Variants in PTPRU observed in about 807,000 individuals in gnomAD.
PTPRU encodes the protein receptor-type tyrosine-protein phosphatase U.
Under a neutral mutation model 166.3 loss-of-function variants are expected in PTPRU, and 69 were observed. The observed-to-expected ratio is 0.41, with a 90% CI of 0.34 to 0.51. The LOEUF is 0.51. PTPRU is among the 20% of genes least tolerant of loss of function. PTPRU has a pLI of 0.09. For synonymous variants in PTPRU, 793 were observed against 814.0 expected, an observed-to-expected ratio of 0.97 and a Z score of 0.44; for missense variants, 1,657 against 2,013.7, an observed-to-expected ratio of 0.82 and a Z score of 3.39.
intron 24 of PTPRU, 103 bp downstream of exon 24, chr1:29,316,254 C>G: frequency 7.4e-7 from 1 of 1,360,182 alleles, no homozygotes; most frequent in Non-Finnish European, 1.0e-6. Context: ...GAAGCAGGGA[C>G]CAGCCTGAGG....
In PTPRU at chr1:29,293,623, C is replaced by T. The variant is rs369937845; in HGVS notation, c.2476+1597C>T. Among the ~76,000 whole-genome samples, 23 of 152,098 alleles carry T rather than the reference C, an allele frequency of 1.5e-4. 1 individual carries two copies. In the East Asian group the frequency reaches 3.1e-3, roughly 21 times the overall value. ...CCTAGTAGCTGGGACTACAGGCGCC[C>T]GCCACTGCGCCCGGCTAATTTTTTG... On this transcript the variant is annotated intron_variant, in intron 15 of 29. Coordinates refer to ENST00000373779, the MANE Select transcript of PTPRU (RefSeq NM_133178.4).
In PTPRU at chr1:29,310,468, G is replaced by C. The variant is rs550950036; in HGVS notation, c.2821-276G>C. On this transcript the variant is annotated intron_variant, in intron 18 of 29. Coordinates refer to ENST00000373779, the MANE Select transcript of PTPRU (RefSeq NM_133178.4). ...GCCTCTCTCCACTTTATGGGTGGGG[G>C]GTCCCTCTAGGCACATAAAGGAGTC... 2.6e-5 allele frequency among the ~76,000 whole-genome samples: 4 copies of C among 152,204 alleles called. No homozygotes were observed. The East Asian group carries it at 7.7e-4, about 29-fold the overall frequency.
intron 2 of PTPRU, 43 bp from the exon 3 acceptor site, chr1:29,258,462 C>T (rs931509027): frequency 6.3e-7 from 1 of 1,590,906 alleles, no homozygotes; most frequent in Non-Finnish European, 8.6e-7. Flanking sequence ...TGTCCCTCCC[C>T]TGAGGTCTCC....
rs942980013 is a variant in PTPRU at position 29,323,043 on chromosome 1, A to T, written c.3829-328A>T. On this transcript the variant is annotated intron_variant, in intron 26 of 29. Coordinates refer to ENST00000373779, the MANE Select transcript of PTPRU (RefSeq NM_133178.4). ...GGGAGTGATCCAGGCCTATTCCTGG[A>T]AGCAGGCAGCCTCATGTAGGAGCGT... 4.6e-5 allele frequency among the ~76,000 whole-genome samples: 7 copies of T among 152,182 alleles called. No homozygotes were observed. In the East Asian group the frequency reaches 1.3e-3, roughly 29 times the overall value.
intron 1 of PTPRU, among the ~76,000 whole-genome samples, chr1:29,251,815 G>T (rs1043133026): frequency 2.0e-5 from 3 of 152,174 alleles, no homozygotes; most frequent in African/African-American, 7.2e-5. Context: ...TTAGATCCTG[G>T]GCTTCCCTTT....
chr1:29,313,925 C>T lies in PTPRU; in HGVS notation c.3227+1219C>T, dbSNP rs536930433. On this transcript the variant is annotated intron_variant, in intron 22 of 29. Coordinates refer to ENST00000373779, the MANE Select transcript of PTPRU (RefSeq NM_133178.4). ...ACAGTTCCCAGAAGCCCCCTTGAAC[C>T]CGTTTCTGGCCTGAATTCCCCCATC... Among the ~76,000 whole-genome samples the T allele has an allele frequency of 2.6e-5, 4 of 152,208 alleles. No individual in the cohort carries two copies. The East Asian group carries it at 7.7e-4, about 29-fold the overall frequency.
chr1:29,288,311 G>A (rs1686455518), intron 14 of PTPRU, among the ~76,000 whole-genome samples: 1 of 152,196 alleles, frequency 6.6e-6, no homozygotes, highest in Non-Finnish European at 1.5e-5. Flanking sequence ...CCAGTGGAGA[G>A]CCTGGCATGA....
rs1685555778 is a variant in PTPRU, at chr1:29,271,555, A to C, written c.1145-3893A>C. ...CCAAAGTTGCTATCTTGGGCCCTGT[A>C]AGGTGATTTGAAGAAGCTTGAGTAG... On this transcript the variant is annotated intron_variant, in intron 7 of 29. Coordinates refer to ENST00000373779, the MANE Select transcript of PTPRU (RefSeq NM_133178.4). This position sits in a 1 kb window ranked among gnomAD's most constrained non-coding sequence, Gnocchi z 4.4. 2.0e-5 allele frequency among the ~76,000 whole-genome samples: 3 copies of C among 152,150 alleles called. No individual in the cohort carries two copies. Among genetic ancestry groups the C allele is most frequent in the Non-Finnish European group, 4.4e-5 (3 of 68,032 alleles).
Position 29,326,105 on chromosome 1 carries a change from G to A in PTPRU, c.*444G>A, listed in dbSNP as rs967623961. On this transcript the variant is annotated 3_prime_UTR_variant, in exon 30 of 30. Transcript: ENST00000373779. Reference sequence around the variant, plus strand: ...TCTGCATGTGGGTAGAGGATGTACTGGGACTTGGCATTTAGGATTCCATCT... The same window carrying A: ...TCTGCATGTGGGTAGAGGATGTACTAGGACTTGGCATTTAGGATTCCATCT... 7.7e-6 allele frequency: 3 copies of A among 391,066 alleles called. No homozygotes were observed. Among genetic ancestry groups the A allele is most frequent in the Non-Finnish European group, 1.4e-5 (3 of 222,122 alleles). 24.2% of individuals were successfully genotyped at this position (391,066 alleles called of 1,614,324 possible). A position where few individuals can be genotyped will look rare whatever the true frequency, so the allele number is the denominator to read the frequency against.
intron 1 of PTPRU, among the ~76,000 whole-genome samples, chr1:29,243,732 T>C (rs150063114): frequency 1.6e-4 from 25 of 152,312 alleles, no homozygotes; most frequent in African/African-American, 5.5e-4. Flanking sequence ...GTCTTTGTCA[T>C]CTGTGGTCCC....
chr1:29,301,427 A>T (rs937568112), intron 15 of PTPRU, among the ~76,000 whole-genome samples: 6 of 152,268 alleles, frequency 3.9e-5, no homozygotes, highest in Non-Finnish European at 7.3e-5. Context: ...AATTATGTGC[A>T]GTACATAATA....
rs371728992 is a variant in PTPRU at position 29,259,571 on chromosome 1, G to A, written c.675+7G>A. 27 of 1,582,594 alleles carry A rather than the reference G, an allele frequency of 1.7e-5. No individual in the cohort carries two copies. The highest frequency in any genetic ancestry group is 4.3e-4 in the Middle Eastern group (2 of 4,644). Reference sequence around the variant, plus strand: ...CGAACGCTTCCTCTTGCAAGTGAGCGGGAGCGGTGATCTTGGCTGGGGGCG... The same window carrying A: ...CGAACGCTTCCTCTTGCAAGTGAGCAGGAGCGGTGATCTTGGCTGGGGGCG... On this transcript the variant is annotated splice_region_variant and intron_variant, in intron 5 of 29. Coordinates refer to ENST00000373779, the MANE Select transcript of PTPRU (RefSeq NM_133178.4).
intron 18 of PTPRU, among the ~76,000 whole-genome samples, chr1:29,308,569 A>AAAAC (rs1687507792): frequency 6.7e-6 from 1 of 149,258 alleles, no homozygotes; most frequent in Admixed American, 6.7e-5. Context: ...CCTGTCTCAA[A>AAAAC]AAAAAAAAAA....
chr1:29,264,144 A>C (rs1454948054), intron 7 of PTPRU, among the ~76,000 whole-genome samples: 1 of 150,426 alleles, frequency 6.6e-6, no homozygotes, highest in Non-Finnish European at 1.5e-5. Flanking sequence ...ACTGCACTCC[A>C]GCCTGGGTGA....
chr1:29,311,363 T>C lies in PTPRU; in HGVS notation c.2858-93T>C. 1 of 1,282,400 alleles carries C rather than the reference T, an allele frequency of 7.8e-7. No individual in the cohort carries two copies. Among genetic ancestry groups the C allele is most frequent in the Non-Finnish European group, 1.1e-6 (1 of 904,886 alleles). 79.4% of individuals were successfully genotyped at this position (1,282,400 alleles called of 1,614,324 possible). On this transcript the variant is annotated intron_variant, in intron 19 of 29. Transcript: ENST00000373779. The surrounding 1 kb of genome is among the most constrained non-coding windows in gnomAD (Gnocchi z 4.1). ...CCCCGTTGGGGCTCAGGAGGCCTCC[T>C]GGCCTGGGGTGTGGTGCTGGATGGT...
At chr1:29,283,913 C>T (rs750281825) in intron 12 of PTPRU, 27 bp from the exon 13 acceptor site, 10 of 1,613,824 alleles carry the variant, frequency 6.2e-6, no homozygotes, top group Non-Finnish European at 8.5e-6. Flanking sequence ...GCTTCAGCAA[C>T]GCTGAGACCC....
chr1:29,240,528 A>G (rs1684000793), intron 1 of PTPRU, among the ~76,000 whole-genome samples: 1 of 152,056 alleles, frequency 6.6e-6, no homozygotes, highest in African/African-American at 2.4e-5. Context: ...AATCTGGAAA[A>G]TTCCTGGAGG....
At position 29,258,709 on chromosome 1, in the gene PTPRU, G is replaced by A. The variant is rs766199196; in HGVS notation, c.410G>A (p.Gly137Glu). The change falls in exon 3 of 30, where the codon GGA (glycine) becomes GAA (glutamate). Residue 137 changes from glycine to glutamate, a missense_variant. By Grantham distance (98) the Gly-to-Glu change is moderately conservative (BLOSUM62 -2). Transcript: ENST00000373779. Reference sequence around the variant, plus strand: ...GGCAGTGCTGTGTGGAATATGACTGGATCCCACGGCCGTCAGTGGCACCAG... The same window carrying A: ...GGCAGTGCTGTGTGGAATATGACTGAATCCCACGGCCGTCAGTGGCACCAG... Reference protein sequence around the residue: ...PLGSAVWNMTGSHGRQWHQAE... With the variant: ...PLGSAVWNMTESHGRQWHQAE... The A allele has an allele frequency of 1.7e-5, 27 of 1,611,524 alleles. No individual in the cohort carries two copies. The African/African-American group carries it at 2.8e-4, about 17-fold the overall frequency.
At chr1:29,258,163 C>T (rs1320360231) in intron 2 of PTPRU, among the ~76,000 whole-genome samples, 3 of 152,158 alleles carry the variant, frequency 2.0e-5, no homozygotes, top group Non-Finnish European at 4.4e-5. Flanking sequence ...CAGGGTTTTA[C>T]CATATTGGTC....
Sources: allele counts gnomAD v4.1 joint callset (sites outside exome capture counted in the v4.1 genomes callset), GRCh38; gene constraint gnomAD v4.1.1; non-coding constraint Gnocchi (gnomAD v3.1); transcripts MANE v1.5; gene names NCBI Gene and HGNC (gene_info 2026-07-23, HGNC 2026-07-21).